The following PPP1R21 variants were observed in gnomAD, a reference collection of about 807,000 sequenced individuals.
PPP1R21 encodes protein phosphatase 1 regulatory subunit 21.
A neutral mutation model predicts 112.8 loss-of-function variants in PPP1R21; 85 were observed. That is an observed-to-expected ratio of 0.75 (90% CI 0.63 to 0.90). The LOEUF (loss-of-function observed/expected upper bound fraction) is 0.90, where lower values mean the gene tolerates loss of function less well. Ranked by LOEUF, PPP1R21 falls within the 40% of genes least tolerant of loss-of-function variation. The pLI, the probability that PPP1R21 is intolerant of heterozygous loss-of-function variation, is 0.00. For missense variants in PPP1R21, 1,199 were observed against 901.5 expected (o/e 1.33, Z -4.23); for synonymous variants, 381 against 322.3 (o/e 1.18, Z -1.95).
intron 15 of PPP1R21, among the ~76,000 whole-genome samples, chr2:48,493,865 G>A (rs940597602): frequency 4.6e-5 from 7 of 151,812 alleles, no homozygotes. Flanking sequence ...TTTAGTTAGT[G>A]TAGCTTATAC....
At position 48,511,403 on chromosome 2, in the gene PPP1R21, T is replaced by C; in HGVS notation, c.2248T>C (p.Cys750Arg). The C allele has an allele frequency of 6.2e-7, 1 of 1,614,062 alleles. No individual in the cohort carries two copies. Among genetic ancestry groups the C allele is most frequent in the Non-Finnish European group, 8.5e-7 (1 of 1,179,970 alleles). ...GTTAAGTATGATGAGTGACCACCTG[T>C]GCAGCATGAATGAGACATTATCTAA... The part of the protein sequence containing the change: ...DQLSMMSDHL[C>R]SMNETLSKQR... The change falls in exon 21 of 22, where the codon TGC becomes CGC. Residue 750 changes from cysteine to arginine, a missense_variant. Physicochemically the swap from Cys to Arg is radical, Grantham distance 180 (BLOSUM62 -3). Coordinates refer to ENST00000294952, the MANE Select transcript of PPP1R21 (RefSeq NM_001135629.3).
chr2:48,511,001 C>T (rs1294680004), intron 20 of PPP1R21, among the ~76,000 whole-genome samples: 1 of 152,084 alleles, frequency 6.6e-6, no homozygotes, highest in Non-Finnish European at 1.5e-5. Flanking sequence ...ATCAGATAGA[C>T]CATCTTTATA....
At chr2:48,498,468 A>G (rs575573399) in intron 16 of PPP1R21, 25 bp from the exon 17 acceptor site, 90 of 1,612,748 alleles carry the variant, frequency 5.6e-5, no homozygotes, top group Non-Finnish European at 6.8e-5. Flanking sequence ...AGTCTCTAAG[A>G]TACAACACTC....
At chr2:48,505,786 A>T (rs1271567178) in intron 18 of PPP1R21, among the ~76,000 whole-genome samples, 190 bp downstream of exon 18, 1 of 152,114 alleles carries the variant, frequency 6.6e-6, no homozygotes, top group Non-Finnish European at 1.5e-5. Context: ...TTCTGTTTTG[A>T]TGGTCACCAA....
Position 48,511,375 on chromosome 2 carries a change from T to A in PPP1R21, c.2220T>A (p.Asp740Glu). ...CAACTACCAAGAGGAGTTACGAGGA[T>A]CAGTTAAGTATGATGAGTGACCACC... ...ELTTTKRSYE[D>E]QLSMMSDHLC... is the part of the protein sequence containing the mutation. The change falls in exon 21 of 22, where the codon GAT becomes GAA. Residue 740 changes from aspartate to glutamate, a missense_variant. Asp to Glu is a conservative substitution (Grantham distance 45). Coordinates refer to ENST00000294952, the MANE Select transcript of PPP1R21 (RefSeq NM_001135629.3). The A allele has an allele frequency of 6.2e-7, 1 of 1,613,814 alleles. No individual in the cohort carries two copies. Among genetic ancestry groups the A allele is most frequent in the Non-Finnish European group, 8.5e-7 (1 of 1,179,962 alleles).
chr2:48,458,238 C>T lies in PPP1R21; in HGVS notation c.375+11C>T. 1 of 1,577,628 alleles carries T rather than the reference C, an allele frequency of 6.3e-7. No homozygotes were observed. Among genetic ancestry groups the T allele is most frequent in the East Asian group, 2.3e-5 (1 of 44,364 alleles). On this transcript the variant is annotated intron_variant, in intron 4 of 21. Transcript: ENST00000294952. ...CGGTTGCATATACAAGTGAGAAAAT[C>T]TGTTTTTCTATGTGAATTAAAAAAT...
intron 11 of PPP1R21, among the ~76,000 whole-genome samples, chr2:48,473,358 G>C (rs1668609294): frequency 6.6e-6 from 1 of 152,062 alleles, no homozygotes; most frequent in African/African-American, 2.4e-5. Context: ...CTTTGATTTG[G>C]CTTATGTTTA....
chr2:48,441,255 C>T, intron 1 of PPP1R21: 1 of 569,390 alleles, frequency 1.8e-6, no homozygotes, highest in Admixed American at 3.5e-5. Context: ...TCTTCCTTTT[C>T]ACTGAAGTAG....
intron 12 of PPP1R21, chr2:48,479,689 C>A (rs1214684638): frequency 1.6e-6 from 1 of 613,138 alleles, no homozygotes; most frequent in African/African-American, 1.8e-5. Context: ...TGCTTAACAA[C>A]TGAATTTTGT....
At chr2:48,479,615 A>G (rs942175406) in intron 12 of PPP1R21, 5 of 554,864 alleles carry the variant, frequency 9.0e-6, no homozygotes, top group African/African-American at 1.9e-5. Context: ...AATGCATTAT[A>G]TAATAACAAG....
Position 48,507,383 on chromosome 2 carries a change from G to C in PPP1R21, c.2083G>C (p.Glu695Gln). 1.9e-6 allele frequency: 3 copies of C among 1,600,756 alleles called. No individual in the cohort carries two copies. Among genetic ancestry groups the C allele is most frequent in the Middle Eastern group, 1.7e-4 (1 of 6,018 alleles). ...CAGTAAGTCAGTGCATTTTTATGCC[G>C]AGGTGAGTGTAGATTTAATTAGATT... ...ADSKSVHFYA[E>Q]CRALSKRLAL... is the part of the protein sequence containing the mutation. The change falls in exon 19 of 22, where the codon GAG (glutamate) becomes CAG (glutamine). Residue 695 changes from glutamate (E) to glutamine (Q), a missense_variant and splice_region_variant. By Grantham distance (29) the Glu-to-Gln change is conservative. Transcript: ENST00000294952.
intron 17 of PPP1R21, among the ~76,000 whole-genome samples, chr2:48,504,680 A>G (rs1402925642): frequency 6.6e-6 from 1 of 152,172 alleles, no homozygotes; most frequent in Non-Finnish European, 1.5e-5. Context: ...ATTGAGTGTA[A>G]TATCTTATTG....
chr2:48,469,004 C>G (rs964959408), intron 9 of PPP1R21, among the ~76,000 whole-genome samples: 2 of 151,762 alleles, frequency 1.3e-5, no homozygotes, highest in East Asian at 1.9e-4. Flanking sequence ...TCAGAATCAT[C>G]GCGGGAGGCA....
chr2:48,471,481 C>A, intron 11 of PPP1R21, 114 bp downstream of exon 11: 1 of 1,063,178 alleles, frequency 9.4e-7, no homozygotes, highest in Non-Finnish European at 1.3e-6. Context: ...TTTTCTGCTT[C>A]ACAGTTAATT....
In PPP1R21 at chr2:48,459,815, C is replaced by T; in HGVS notation, c.437C>T (p.Thr146Ile). 1 of 1,614,142 alleles carries T rather than the reference C, an allele frequency of 6.2e-7. No homozygotes were observed. The highest frequency in any genetic ancestry group is 8.5e-7 in the Non-Finnish European group (1 of 1,180,046). The change falls in exon 5 of 22, where the codon ACT (threonine) becomes ATT (isoleucine). Residue 146 changes from threonine to isoleucine, a missense_variant. Transcript: ENST00000294952. ...GCAGAGCTGAGGAGTCGACTGGCCACTCTGGAGACAGAAGCAGCCCAGCAC... is the reference window on the plus strand; with the variant it reads ...GCAGAGCTGAGGAGTCGACTGGCCATTCTGGAGACAGAAGCAGCCCAGCAC... ...VEAELRSRLA[T>I]LETEAAQHQA...
At chr2:48,443,607 C>A (rs750225429) in intron 1 of PPP1R21, among the ~76,000 whole-genome samples, 7 of 152,192 alleles carry the variant, frequency 4.6e-5, no homozygotes, top group Non-Finnish European at 1.5e-5. Flanking sequence ...GTCATCTCCC[C>A]TATTGGACCA....
In PPP1R21 at chr2:48,495,666, G is replaced by T. The variant is rs768675365; in HGVS notation, c.1600-13G>T. ...ATATTTTTTCTTTAATTCTTATGAT[G>T]CTTTTATCATAGCCCCTCTTGGAGT... On this transcript the variant is annotated splice_polypyrimidine_tract_variant and intron_variant, in intron 15 of 21. Coordinates refer to ENST00000294952, the MANE Select transcript of PPP1R21 (RefSeq NM_001135629.3). The T allele has an allele frequency of 9.3e-6, 14 of 1,511,106 alleles. No homozygotes were observed. The highest frequency in any genetic ancestry group is 1.3e-5 in the Non-Finnish European group (14 of 1,087,252). 93.6% of individuals were successfully genotyped at this position (1,511,106 alleles called of 1,614,324 possible). A position where few individuals can be genotyped will look rare whatever the true frequency, so the allele number is the denominator to read the frequency against.
Position 48,507,249 on chromosome 2 carries a change from T to C in PPP1R21, c.1969-20T>C, listed in dbSNP as rs1670423733. ...TCTCACTGGTACTTGTTTATTTATG[T>C]GTATTTGTGTTCTATTTAGGTTCCA... On this transcript the variant is annotated intron_variant, in intron 18 of 21. Transcript: ENST00000294952. 6.7e-7 allele frequency: 1 copy of C among 1,503,562 alleles called. No homozygotes were observed. The allele number at this position is 1,503,562 out of a possible 1,614,324, so 93.1% of individuals were successfully genotyped here.
intron 17 of PPP1R21, among the ~76,000 whole-genome samples, chr2:48,504,673 G>C (rs993563503): frequency 6.6e-6 from 1 of 152,090 alleles, no homozygotes; most frequent in African/African-American, 2.4e-5. Flanking sequence ...ACTGTTCATT[G>C]AGTGTAATAT....
Sources: gnomAD v4.1 joint callset for allele counts (sites outside exome capture counted in the v4.1 genomes callset) on GRCh38, gnomAD v4.1.1 for gene constraint, MANE v1.5 for transcripts, NCBI Gene and HGNC (gene_info 2026-07-23, HGNC 2026-07-21) for gene names.